The following ARHGAP15 variants were observed in gnomAD, a reference collection of about 807,000 sequenced individuals.
ARHGAP15 encodes Rho GTPase activating protein 15, also known as rho GTPase-activating protein 15.
ARHGAP15 carries 51 observed loss-of-function variants against 63.7 expected under a neutral mutation model. The ratio of observed to expected loss-of-function variants is 0.80; its 90% CI spans 0.64 to 1.01. ARHGAP15 has a LOEUF of 1.01. Ranked by LOEUF, ARHGAP15 falls within the 50% of genes least tolerant of loss-of-function variation. ARHGAP15 has a pLI of 0.00. For missense variants in ARHGAP15, 560 were observed against 564.6 expected (o/e 0.99, Z 0.08); for synonymous variants, 191 against 193.8 (o/e 0.99, Z 0.12).
intron 6 of ARHGAP15, among the ~76,000 whole-genome samples, chr2:143,384,677 G>A (rs904339143): frequency 3.4e-4 from 51 of 152,146 alleles, no homozygotes; most frequent in Non-Finnish European, 2.2e-4. Flanking sequence ...TTTTCTTGGC[G>A]TCATTCAGGA....
chr2:143,565,597 C>A (rs1270369484), intron 11 of ARHGAP15, among the ~76,000 whole-genome samples: 1 of 152,164 alleles, frequency 6.6e-6, no homozygotes, highest in Non-Finnish European at 1.5e-5. Flanking sequence ...CTCCCAGATG[C>A]CTATAAGTTA....
At chr2:143,258,854 T>A (rs1680562779) in intron 6 of ARHGAP15, among the ~76,000 whole-genome samples, 1 of 152,146 alleles carries the variant, frequency 6.6e-6, no homozygotes, top group Non-Finnish European at 1.5e-5. Flanking sequence ...AACATTGCAT[T>A]TCCGGCACTG....
At chr2:143,235,774 T>A (rs1290212212) in intron 5 of ARHGAP15, among the ~76,000 whole-genome samples, 1 of 152,194 alleles carries the variant, frequency 6.6e-6, no homozygotes, top group African/African-American at 2.4e-5. Context: ...GCTAAAGAAG[T>A]ACTAGAGAAT....
chr2:143,706,579 G>T (rs1255700983), intron 13 of ARHGAP15: 1 of 152,110 alleles, frequency 6.6e-6, no homozygotes, highest in Admixed American at 6.6e-5. Flanking sequence ...GGCACAGTTG[G>T]ACTAGAAGGT....
intron 9 of ARHGAP15, among the ~76,000 whole-genome samples, chr2:143,506,921 A>AATAT (rs1474137957): frequency 6.6e-6 from 1 of 152,190 alleles, no homozygotes; most frequent in Non-Finnish European, 1.5e-5. Context: ...AAGCTGTTTT[A>AATAT]ATATCAAAGG....
At chr2:143,395,000 A>G (rs1687697969) in intron 6 of ARHGAP15, among the ~76,000 whole-genome samples, 1 of 152,208 alleles carries the variant, frequency 6.6e-6, no homozygotes, top group African/African-American at 2.4e-5. Context: ...AAAGATTGCT[A>G]TGCTTAGTCT....
intron 1 of ARHGAP15, among the ~76,000 whole-genome samples, chr2:143,133,880 C>T (rs1237775076): frequency 2.0e-5 from 3 of 152,006 alleles, no homozygotes; most frequent in Non-Finnish European, 4.4e-5. Context: ...ATGTATATAA[C>T]ATAACTGCAC....
At chr2:143,152,584 AG>A (rs1436334907) in intron 1 of ARHGAP15, among the ~76,000 whole-genome samples, 2 of 152,014 alleles carry the variant, frequency 1.3e-5, no homozygotes, top group African/African-American at 4.8e-5. Context: ...GGAGAATCTC[AG>A]TAAAGGTCGA....
At chr2:143,241,031 C>T (rs905636231) in intron 5 of ARHGAP15, among the ~76,000 whole-genome samples, 5 of 152,146 alleles carry the variant, frequency 3.3e-5, no homozygotes, top group African/African-American at 1.2e-4. Flanking sequence ...AATTATGAAG[C>T]TTGTCTCTCT....
intron 9 of ARHGAP15, among the ~76,000 whole-genome samples, chr2:143,491,737 G>A (rs948924293): frequency 3.3e-5 from 5 of 151,908 alleles, no homozygotes; most frequent in African/African-American, 1.2e-4. Flanking sequence ...GGTAAAAGCT[G>A]GTTTGTTTTT....
chr2:143,333,388 C>T (rs960282645), intron 6 of ARHGAP15, among the ~76,000 whole-genome samples: 1 of 152,186 alleles, frequency 6.6e-6, no homozygotes, highest in Admixed American at 6.5e-5. Context: ...CTATGTAACT[C>T]ATTCGAGCCC....
chr2:143,542,621 C>A (rs868227086), intron 10 of ARHGAP15, among the ~76,000 whole-genome samples: 2 of 141,686 alleles, frequency 1.4e-5, no homozygotes, highest in Admixed American at 7.3e-5. Context: ...GCATATATAT[C>A]ATATATATAT....
chr2:143,415,464 A>T (rs1688634075), intron 6 of ARHGAP15, among the ~76,000 whole-genome samples: 1 of 152,210 alleles, frequency 6.6e-6, no homozygotes, highest in Non-Finnish European at 1.5e-5. Context: ...ATAACTAAAA[A>T]AAATTTAAAG....
At chr2:143,295,452 G>A (rs1443939420) in intron 6 of ARHGAP15, 1 of 151,970 alleles carries the variant, frequency 6.6e-6, no homozygotes, top group Non-Finnish European at 1.5e-5. Context: ...AAAATGGTAG[G>A]AAAGAACAGT....
chr2:143,627,087 A>G (rs1559088499), intron 12 of ARHGAP15, among the ~76,000 whole-genome samples: 1 of 152,170 alleles, frequency 6.6e-6, no homozygotes, highest in Non-Finnish European at 1.5e-5. Context: ...TCACCAATAC[A>G]TTAAATGGGC....
intron 2 of ARHGAP15, among the ~76,000 whole-genome samples, chr2:143,183,807 T>C (rs545146049): frequency 1.3e-5 from 2 of 152,102 alleles, no homozygotes; most frequent in East Asian, 3.9e-4. Context: ...AAAGAAACTG[T>C]CCTTAAACTG....
At chr2:143,559,287 A>G (rs977219935) in intron 11 of ARHGAP15, among the ~76,000 whole-genome samples, 28 of 152,334 alleles carry the variant, frequency 1.8e-4, no homozygotes, top group Non-Finnish European at 3.4e-4. Context: ...CAATGAAAAT[A>G]TGAAATCTGT....
chr2:143,767,873 T>C (rs2072972945), intron 13 of ARHGAP15, 116 bp from the exon 14 acceptor site: 2 of 951,258 alleles, frequency 2.1e-6, no homozygotes, highest in Admixed American at 4.7e-5. Context: ...GAAGATTAAA[T>C]AATGTTATAA....
intron 13 of ARHGAP15, among the ~76,000 whole-genome samples, chr2:143,758,026 G>T (rs1017746788): frequency 6.6e-6 from 1 of 152,114 alleles, no homozygotes; most frequent in African/African-American, 2.4e-5. Context: ...CTGTAGCATT[G>T]TCTGTAATAG....
Sources: allele counts gnomAD v4.1 joint callset (sites outside exome capture counted in the v4.1 genomes callset), GRCh38; gene constraint gnomAD v4.1.1; transcripts MANE v1.5; gene names NCBI Gene and HGNC (gene_info 2026-07-23, HGNC 2026-07-21).